DTNBP1: variants seen among roughly 807,000 people sequenced by gnomAD.
DTNBP1 encodes dystrobrevin binding protein 1, also known as dysbindin.
DTNBP1 carries 35 observed loss-of-function variants against 42.8 expected under a neutral mutation model. That is an observed-to-expected ratio of 0.82 (90% CI 0.63 to 1.09). DTNBP1 has a LOEUF of 1.09. Ranked by LOEUF, DTNBP1 falls within the 50% of genes least tolerant of loss-of-function variation. DTNBP1 has a pLI of 0.00. For synonymous variants in DTNBP1, 171 were observed against 162.2 expected, an observed-to-expected ratio of 1.05 and a Z score of -0.41; for missense variants, 457 against 424.2, an observed-to-expected ratio of 1.08 and a Z score of -0.68.
intron 6 of DTNBP1, among the ~76,000 whole-genome samples, chr6:15,598,689 T>C (rs907559499): frequency 1.6e-4 from 1 of 6,450 alleles, no homozygotes; most frequent in Non-Finnish European, 2.7e-4. Flanking sequence ...ACAGGCTTGG[T>C]GGGGTTGAGG....
intron 7 of DTNBP1, among the ~76,000 whole-genome samples, chr6:15,546,804 T>A (rs1209455387): frequency 6.6e-6 from 1 of 152,138 alleles, no homozygotes; most frequent in African/African-American, 2.4e-5. Flanking sequence ...TGAGTCACAG[T>A]TCGAAGGAAT....
At position 15,620,403 on chromosome 6, in the gene DTNBP1, G is replaced by C. The variant is rs542840266; in HGVS notation, c.356-5004C>G. On this transcript the variant is annotated intron_variant, in intron 5 of 9. Transcript: ENST00000344537. ...ACGAGACCTCACTATGACCTGGCTG[G>C]TCTTGAACTCCTGGGCTTGAGCGAT... 2.6e-5 allele frequency among the ~76,000 whole-genome samples: 4 copies of C among 152,180 alleles called. No individual in the cohort carries two copies. The East Asian group carries it at 7.7e-4, about 29-fold the overall frequency.
In DTNBP1 at chr6:15,522,905, T is replaced by C; in HGVS notation, c.*70A>G. 1 of 1,613,420 alleles carries C rather than the reference T, an allele frequency of 6.2e-7. No homozygotes were observed. The highest frequency in any genetic ancestry group is 2.2e-5 in the East Asian group (1 of 44,882). ...AAGAACCTCTATAAAACAACCTGGC[T>C]TTCCAGGTGGAATTCCGCATACAGC... On this transcript the variant is annotated 3_prime_UTR_variant, in exon 10 of 10. Coordinates refer to ENST00000344537, the MANE Select transcript of DTNBP1 (RefSeq NM_032122.5).
chr6:15,632,314 C>T (rs528314604), intron 4 of DTNBP1, among the ~76,000 whole-genome samples: 20 of 152,198 alleles, frequency 1.3e-4, no homozygotes, highest in South Asian at 6.2e-4. Flanking sequence ...TCTTTCCCAC[C>T]CTAAGGTCTT....
rs554556845 is a variant in DTNBP1 at position 15,547,096 on chromosome 6, G to A, written c.512-13701C>T. 9.5e-4 allele frequency among the ~76,000 whole-genome samples: 144 copies of A among 152,182 alleles called. 2 individuals are homozygous for A. Among genetic ancestry groups the A allele is most frequent in the Admixed American group, 1.4e-3 (21 of 15,288 alleles). On this transcript the variant is annotated intron_variant, in intron 7 of 9. Coordinates refer to ENST00000344537, the MANE Select transcript of DTNBP1 (RefSeq NM_032122.5). ...TATTAACAGTTTGAGGGGAAAAAAT[G>A]GAAGAAGTTTAGATCACTACAGGAA...
chr6:15,604,899 T>C (rs539770021), intron 6 of DTNBP1, among the ~76,000 whole-genome samples: 5 of 152,312 alleles, frequency 3.3e-5, no homozygotes, highest in African/African-American at 1.2e-4. Context: ...CCACCACTTC[T>C]AGGAGGTGGG....
intron 8 of DTNBP1, among the ~76,000 whole-genome samples, chr6:15,530,325 T>C (rs1399349170): frequency 6.6e-6 from 1 of 152,116 alleles, no homozygotes; most frequent in East Asian, 1.9e-4. Context: ...CAGCTCTAGC[T>C]CAAGAGAAAG....
At chr6:15,648,908 C>T (rs1404403412) in intron 3 of DTNBP1, among the ~76,000 whole-genome samples, 1 of 151,892 alleles carries the variant, frequency 6.6e-6, no homozygotes, top group Non-Finnish European at 1.5e-5. Context: ...CTCAAATGAC[C>T]TTCAACAGCC....
intron 4 of DTNBP1, among the ~76,000 whole-genome samples, chr6:15,636,202 G>C (rs1440298468): frequency 7.3e-6 from 1 of 137,054 alleles, no homozygotes; most frequent in Non-Finnish European, 1.5e-5. Context: ...CCAGGCTGGA[G>C]TGCAATGGTG....
At position 15,593,088 on chromosome 6, in the gene DTNBP1, G is replaced by GGA. The variant is rs2113627031; in HGVS notation, c.489-8_489-7insTC. ...GAAGGTTTCAAGTTCCTTCCTGTAG[G>GGA]AAAAAAAAAAAAAAGACAAGACAAT... On this transcript the variant is annotated splice_region_variant and splice_polypyrimidine_tract_variant and intron_variant, in intron 6 of 9. Coordinates refer to ENST00000344537, the MANE Select transcript of DTNBP1 (RefSeq NM_032122.5). The GGA allele has an allele frequency of 1.7e-5, 23 of 1,346,596 alleles. No individual in the cohort carries two copies. The highest frequency in any genetic ancestry group is 2.2e-5 in the Non-Finnish European group (22 of 989,694). The allele number at this position is 1,346,596 out of a possible 1,614,324, so 83.4% of individuals were successfully genotyped here. A position where few individuals can be genotyped will look rare whatever the true frequency, so the allele number is the denominator to read the frequency against.
chr6:15,633,961 T>C (rs1046559303), intron 4 of DTNBP1, among the ~76,000 whole-genome samples: 17 of 152,222 alleles, frequency 1.1e-4, no homozygotes, highest in Non-Finnish European at 2.4e-4. Flanking sequence ...ATAACTTTTA[T>C]ATGCACTAAG....
chr6:15,572,723 T>G (rs1775389527), intron 7 of DTNBP1, among the ~76,000 whole-genome samples: 1 of 152,160 alleles, frequency 6.6e-6, no homozygotes, highest in Non-Finnish European at 1.5e-5. Flanking sequence ...TGGCTCTAGA[T>G]TCCATGTTCT....
chr6:15,634,533 GTC>G (rs1232166825), intron 4 of DTNBP1, among the ~76,000 whole-genome samples: 4 of 152,200 alleles, frequency 2.6e-5, no homozygotes, highest in African/African-American at 9.6e-5. Flanking sequence ...GCTCAGGCTG[GTC>G]TCGAACTCCT....
At chr6:15,617,127 T>A (rs1222089606) in intron 5 of DTNBP1, among the ~76,000 whole-genome samples, 1 of 152,076 alleles carries the variant, frequency 6.6e-6, no homozygotes, top group African/African-American at 2.4e-5. Context: ...TTCGGGAGGC[T>A]GAGGCAGGAG....
chr6:15,610,027 C>A (rs747729950), intron 6 of DTNBP1, among the ~76,000 whole-genome samples: 1 of 152,170 alleles, frequency 6.6e-6, no homozygotes, highest in African/African-American at 2.4e-5. Context: ...TTGTTTACTA[C>A]GTAGGCTTTC....
chr6:15,527,732 C>G (rs991793197), intron 8 of DTNBP1, among the ~76,000 whole-genome samples: 1 of 151,964 alleles, frequency 6.6e-6, no homozygotes, highest in Non-Finnish European at 1.5e-5. Context: ...TAAGACTCAT[C>G]GTAAATAGAG....
chr6:15,554,232 C>CT (rs905211729), intron 7 of DTNBP1, among the ~76,000 whole-genome samples: 2 of 152,034 alleles, frequency 1.3e-5, no homozygotes, highest in African/African-American at 4.8e-5. Context: ...AATTTGTATG[C>CT]TTTTTTCTTC....
In DTNBP1 at chr6:15,583,619, T is replaced by G. The variant is rs1418346584; in HGVS notation, c.511+9440A>C. ...GCTAAAATTTTCAAAGATTTCTTTT[T>G]GTGGTTTTAAAATTTAGTTTTCTGA... On this transcript the variant is annotated intron_variant, in intron 7 of 9. Coordinates refer to ENST00000344537, the MANE Select transcript of DTNBP1 (RefSeq NM_032122.5). Among the ~76,000 whole-genome samples, 3 of 152,232 alleles carry G rather than the reference T, an allele frequency of 2.0e-5. No homozygotes were observed. The East Asian group carries it at 5.8e-4, about 29-fold the overall frequency.
At chr6:15,525,358 T>C (rs1220757702) in intron 8 of DTNBP1, among the ~76,000 whole-genome samples, 1 of 152,194 alleles carries the variant, frequency 6.6e-6, no homozygotes, top group Non-Finnish European at 1.5e-5. Context: ...CCACGTAAGT[T>C]ATCCTAGCCA....
Sources: gnomAD v4.1 joint callset for allele counts (sites outside exome capture counted in the v4.1 genomes callset) on GRCh38, gnomAD v4.1.1 for gene constraint, MANE v1.5 for transcripts, NCBI Gene and HGNC (gene_info 2026-07-23, HGNC 2026-07-21) for gene names.